The following TNRC6A variants were observed in gnomAD, a reference collection of about 807,000 sequenced individuals.
TNRC6A encodes trinucleotide repeat-containing gene 6A protein.
A neutral mutation model predicts 221.2 loss-of-function variants in TNRC6A; 44 were observed. The observed-to-expected ratio is 0.20, with a 90% CI of 0.16 to 0.26. The LOEUF is 0.26. Ranked by LOEUF, TNRC6A falls within the 10% of genes least tolerant of loss-of-function variation. The pLI is 1.00. For missense variants in TNRC6A, 2,199 were observed against 2,404.4 expected, an observed-to-expected ratio of 0.91 and a Z score of 1.79; for synonymous variants, 847 against 838.5, an observed-to-expected ratio of 1.01 and a Z score of -0.18.
chr16:24,782,844 C>T (rs1385442090), intron 5 of TNRC6A, among the ~76,000 whole-genome samples: 1 of 152,092 alleles, frequency 6.6e-6, no homozygotes, highest in Non-Finnish European at 1.5e-5. Flanking sequence ...TGCACTCCAG[C>T]CTGGGCGACA....
Position 24,816,907 on chromosome 16 carries a change from T to G in TNRC6A, c.4923T>G (p.Leu1641=). Residue 1641 remains leucine, a synonymous_variant, in exon 20 of 25, where the codon CTT becomes CTG. Transcript: ENST00000395799. The stretch of plus-strand genomic sequence containing the variant: ...CTCCTGGCAGTGTCATAAACAATCT[T>G]TCAATTAATACTGTGCGGGAAGTTG... The part of the protein sequence containing the change: ...YVTPGSVINN[L]SINTVREVDH... 3 of 1,614,164 alleles carry G rather than the reference T, an allele frequency of 1.9e-6. No homozygotes were observed. Among genetic ancestry groups the G allele is most frequent in the Non-Finnish European group, 1.7e-6 (2 of 1,180,028 alleles).
intron 1 of TNRC6A, among the ~76,000 whole-genome samples, chr16:24,630,604 G>T (rs186297195): frequency 6.6e-6 from 1 of 152,266 alleles, no homozygotes; most frequent in East Asian, 1.9e-4. Context: ...TCAAAGAGCT[G>T]TCTACCTTTG....
chr16:24,807,963 C>T (rs1384555202), intron 17 of TNRC6A, among the ~76,000 whole-genome samples: 1 of 152,202 alleles, frequency 6.6e-6, no homozygotes, highest in South Asian at 2.1e-4. Flanking sequence ...TGGTTTGGCT[C>T]AGCCTGGTAT....
chr16:24,657,863 A>T (rs992487714), intron 2 of TNRC6A, among the ~76,000 whole-genome samples: 21 of 152,006 alleles, frequency 1.4e-4, no homozygotes, highest in Admixed American at 6.6e-4. Flanking sequence ...GCCAAGTTAT[A>T]TGGTGAATGT....
rs1421164377 is a variant in TNRC6A, at chr16:24,729,826, C to T, written c.-16C>T. On this transcript the variant is annotated 5_prime_UTR_variant, in exon 1 of 25. Transcript: ENST00000395799. The stretch of plus-strand genomic sequence containing the variant: ...CCTCCTTCGCCGCGCCCCACTTGCT[C>T]GTGCACTTTACACACATGAGGTGAG... The T allele has an allele frequency of 7.8e-6, 11 of 1,404,608 alleles. No individual in the cohort carries two copies. The Admixed American group carries it at 2.2e-4, about 28-fold the overall frequency. The allele number at this position is 1,404,608 out of a possible 1,614,324, so 87.0% of individuals were successfully genotyped here.
chr16:24,635,609 T>C (rs1596566613), intron 1 of TNRC6A, among the ~76,000 whole-genome samples: 1 of 152,312 alleles, frequency 6.6e-6, no homozygotes, highest in South Asian at 2.1e-4. Flanking sequence ...TAAAAAATTT[T>C]ACTTTCTCAA....
chr16:24,806,482 C>A (rs984842603), intron 16 of TNRC6A, 92 bp from the exon 17 acceptor site: 5 of 1,495,392 alleles, frequency 3.3e-6, no homozygotes, highest in Non-Finnish European at 4.6e-6. Flanking sequence ...TCTGCTGAGA[C>A]GAAAGTGAAT....
At chr16:24,637,220 A>G (rs7192195) in intron 1 of TNRC6A, among the ~76,000 whole-genome samples, 1 of 151,900 alleles carries the variant, frequency 6.6e-6, no homozygotes, top group Non-Finnish European at 1.5e-5. Context: ...TTTTGTAGAG[A>G]TGGGGTTTCA....
At chr16:24,711,758 A>G (rs12444816) in intron 2 of TNRC6A, among the ~76,000 whole-genome samples, 26,471 of 151,738 alleles carry the variant, frequency 0.17, 2,856 homozygotes, top group South Asian at 0.26. Flanking sequence ...ATTGTTGTCT[A>G]TTTGTCCCAT....
intron 5 of TNRC6A, among the ~76,000 whole-genome samples, chr16:24,783,948 C>T (rs1373959907): frequency 6.6e-6 from 1 of 152,310 alleles, no homozygotes; most frequent in African/African-American, 2.4e-5. Flanking sequence ...TTCTTTTCAT[C>T]CTTTCAGTTT....
At chr16:24,680,314 TG>T (rs1162841096) in intron 2 of TNRC6A, among the ~76,000 whole-genome samples, 7 of 151,418 alleles carry the variant, frequency 4.6e-5, no homozygotes, top group Non-Finnish European at 8.8e-5. Flanking sequence ...CTAGCTACTC[TG>T]GAGGCTGAGG....
At chr16:24,798,138 C>T (rs752244053) in intron 11 of TNRC6A, 172 bp downstream of exon 11, 7 of 492,480 alleles carry the variant, frequency 1.4e-5, no homozygotes, top group Non-Finnish European at 2.5e-5. Flanking sequence ...TGCAGGACCA[C>T]TGTGCAGATC....
At chr16:24,648,099 A>G (rs890053341) in intron 2 of TNRC6A, among the ~76,000 whole-genome samples, 1 of 152,022 alleles carries the variant, frequency 6.6e-6, no homozygotes, top group African/African-American at 2.4e-5. Context: ...GTTGATGACC[A>G]TTGGGGTAAT....
chr16:24,700,236 A>AT (rs2055942789), intron 2 of TNRC6A, among the ~76,000 whole-genome samples: 1 of 151,354 alleles, frequency 6.6e-6, no homozygotes, highest in Non-Finnish European at 1.5e-5. Context: ...CTGTGTCTGA[A>AT]TTTTTCTTTT....
intron 1 of TNRC6A, among the ~76,000 whole-genome samples, chr16:24,620,779 G>A (rs893351236): frequency 2.0e-5 from 3 of 151,914 alleles, no homozygotes; most frequent in African/African-American, 7.3e-5. Context: ...TTGCATTCCA[G>A]CCTGGGCAAA....
At chr16:24,720,950 G>A (rs1250398209) in intron 2 of TNRC6A, among the ~76,000 whole-genome samples, 1 of 152,014 alleles carries the variant, frequency 6.6e-6, no homozygotes. Context: ...AGCCACTCGG[G>A]AAGCTGAGGC....
Position 24,797,922 on chromosome 16 carries a change from C to A in TNRC6A, c.3650C>A (p.Ser1217Ter). The A allele has an allele frequency of 6.2e-7, 1 of 1,610,076 alleles. No homozygotes were observed. The highest frequency in any genetic ancestry group is 2.2e-5 in the East Asian group (1 of 44,812). ...QFSNISFSRD[S>*]PEENVQSNKM... ...TGCATTTTCTTTCTTCAGAGAGACT[C>A]ACCAGAGGAAAATGTACAAAGCAAT... The change falls in exon 11 of 25, where the codon TCA becomes TAA. Residue 1217 changes from serine to a stop codon, truncating the protein, a stop_gained. Transcript: ENST00000395799. LOFTEE classifies it high-confidence loss of function.
intron 16 of TNRC6A, 65 bp from the exon 17 acceptor site, chr16:24,806,509 A>C: frequency 1.3e-6 from 2 of 1,566,448 alleles, no homozygotes; most frequent in Non-Finnish European, 1.8e-6. Flanking sequence ...ATGGAGAGGA[A>C]TATGTAGTTT....
chr16:24,755,476 T>C (rs1489992685), intron 3 of TNRC6A, among the ~76,000 whole-genome samples: 1 of 152,212 alleles, frequency 6.6e-6, no homozygotes, highest in Non-Finnish European at 1.5e-5. Flanking sequence ...TTGTCCTAAG[T>C]GCTTTTATAT....
Sources: allele counts gnomAD v4.1 joint callset (sites outside exome capture counted in the v4.1 genomes callset), GRCh38; gene constraint gnomAD v4.1.1; transcripts MANE v1.5; gene names NCBI Gene and HGNC (gene_info 2026-07-23, HGNC 2026-07-21).